The following GRM7 variants were observed in gnomAD, a reference collection of about 807,000 sequenced individuals.
The protein encoded by GRM7 is glutamate metabotropic receptor 7.
GRM7 carries 35 observed loss-of-function variants against 84.5 expected under a neutral mutation model. The observed-to-expected ratio is 0.41, with a 90% CI of 0.32 to 0.55. The LOEUF (loss-of-function observed/expected upper bound fraction) is 0.55. Among genes scored for constraint, GRM7 ranks in the 20% least tolerant of loss-of-function variants. GRM7 has a pLI of 0.19. For missense variants in GRM7, 1,003 were observed against 1,194.6 expected, an observed-to-expected ratio of 0.84 and a Z score of 2.36; for synonymous variants, 487 against 455.1, an observed-to-expected ratio of 1.07 and a Z score of -0.89.
At chr3:7,033,902 A>G (rs771009832) in intron 1 of GRM7, among the ~76,000 whole-genome samples, 3 of 152,150 alleles carry the variant, frequency 2.0e-5, no homozygotes, top group Non-Finnish European at 2.9e-5. Flanking sequence ...AATTTATTAT[A>G]TTTCTGGGAT....
chr3:6,990,239 C>T (rs1268998517), intron 1 of GRM7, among the ~76,000 whole-genome samples: 1 of 152,116 alleles, frequency 6.6e-6, no homozygotes, highest in African/African-American at 2.4e-5. Flanking sequence ...TGTTGGTCCC[C>T]CAGCCTTGTA....
At chr3:7,204,853 G>A (rs533971148) in intron 2 of GRM7, among the ~76,000 whole-genome samples, 3 of 152,306 alleles carry the variant, frequency 2.0e-5, no homozygotes, top group Admixed American at 6.5e-5. Context: ...AGAGAAAAAC[G>A]ATGTGAAATT....
At chr3:7,675,262 C>T (rs1409904471) in intron 8 of GRM7, among the ~76,000 whole-genome samples, 2 of 152,134 alleles carry the variant, frequency 1.3e-5, no homozygotes, top group Admixed American at 6.6e-5. Context: ...TTGAACAGTA[C>T]TGAGAATATT....
At chr3:7,266,251 T>C (rs1698634218) in intron 2 of GRM7, among the ~76,000 whole-genome samples, 1 of 152,218 alleles carries the variant, frequency 6.6e-6, no homozygotes, top group Non-Finnish European at 1.5e-5. Flanking sequence ...AAAACCCACT[T>C]TTTATGGCTA....
chr3:7,356,011 T>A (rs1048520160), intron 4 of GRM7, among the ~76,000 whole-genome samples: 1 of 152,076 alleles, frequency 6.6e-6, no homozygotes, highest in African/African-American at 2.4e-5. Context: ...CCTAAGGATG[T>A]TGGTGAAGGG....
At chr3:7,685,005 C>T (rs1448633794) in intron 9 of GRM7, among the ~76,000 whole-genome samples, 1 of 152,044 alleles carries the variant, frequency 6.6e-6, no homozygotes, top group African/African-American at 2.4e-5. Context: ...TTTCTCCCAC[C>T]TGCATCCTGA....
At chr3:7,053,615 A>C (rs998892503) in intron 1 of GRM7, among the ~76,000 whole-genome samples, 1 of 151,606 alleles carries the variant, frequency 6.6e-6, no homozygotes, top group Non-Finnish European at 1.5e-5. Context: ...TTTCAGCATC[A>C]TTTGTTAAAA....
rs991977273 is a variant in GRM7, at chr3:7,348,320, C to T, written c.1033+41668C>T. 7.9e-5 allele frequency among the ~76,000 whole-genome samples: 12 copies of T among 152,238 alleles called. No individual in the cohort carries two copies. In the South Asian group the frequency reaches 1.7e-3, roughly 21 times the overall value. ...TTGCCTTATTGGCATGCCCCAACAG[C>T]TCCAGCATCCTAATTTCCATAGTCA... On this transcript the variant is annotated intron_variant, in intron 4 of 9. Transcript: ENST00000357716.
rs758808639 is a variant in GRM7, at chr3:7,578,391, C to T, written c.1516-31C>T. Reference sequence around the variant, plus strand: ...TTTTCTATTCTCTTGAAGAATCTGCCTGATTCACCTTCTTATTTCTTATGT... The same window carrying T: ...TTTTCTATTCTCTTGAAGAATCTGCTTGATTCACCTTCTTATTTCTTATGT... On this transcript the variant is annotated intron_variant, in intron 7 of 9. Coordinates refer to ENST00000357716, the MANE Select transcript of GRM7 (RefSeq NM_000844.4). The T allele has an allele frequency of 5.6e-6, 8 of 1,431,902 alleles. No individual in the cohort carries two copies. The Admixed American group carries it at 1.5e-4, about 27-fold the overall frequency. The allele number at this position is 1,431,902 out of a possible 1,614,324, so 88.7% of individuals were successfully genotyped here.
chr3:6,890,465 A>G (rs1207602676), intron 1 of GRM7, among the ~76,000 whole-genome samples: 1 of 151,992 alleles, frequency 6.6e-6, no homozygotes, highest in South Asian at 2.1e-4. Context: ...GATCATCTTT[A>G]TTTCTGTCTT....
rs5846535 is a variant in GRM7, at chr3:7,713,124, G to GTTTTTT, written c.2699-27210_2699-27205dup. 1.2e-3 allele frequency among the ~76,000 whole-genome samples: 118 copies of GTTTTTT among 97,124 alleles called. 1 individual carries two copies. Among genetic ancestry groups the GTTTTTT allele is most frequent in the Non-Finnish European group, 1.8e-3 (80 of 45,288 alleles). 63.7% of individuals were successfully genotyped at this position (97,124 alleles called of 152,430 possible). A position where few individuals can be genotyped will look rare whatever the true frequency, so the allele number is the denominator to read the frequency against. On this transcript the variant is annotated intron_variant, in intron 9 of 9. Coordinates refer to ENST00000357716, the MANE Select transcript of GRM7 (RefSeq NM_000844.4). ...ATAGAGAGGATTCGAATTTTGTTTTGTTTTTTTTTTTTTTTTTTTTTTTTT... is the reference window on the plus strand; with the variant it reads ...ATAGAGAGGATTCGAATTTTGTTTTGTTTTTTTTTTTTTTTTTTTTTTTTTTTTTTT...
At chr3:7,460,099 TAAAAAAAA>T (rs71066013) in intron 6 of GRM7, among the ~76,000 whole-genome samples, 3 of 49,550 alleles carry the variant, frequency 6.1e-5, no homozygotes, top group African/African-American at 9.3e-5. Flanking sequence ...CTTAAAATAG[TAAAAAAAA>T]AAAAAAAAAA....
At chr3:7,293,440 C>T (rs949601898) in intron 2 of GRM7, among the ~76,000 whole-genome samples, 1 of 152,126 alleles carries the variant, frequency 6.6e-6, no homozygotes, top group Non-Finnish European at 1.5e-5. Flanking sequence ...CTCTCTCAAG[C>T]CTTTGACAGC....
intron 1 of GRM7, among the ~76,000 whole-genome samples, chr3:7,016,757 C>T (rs567072861): frequency 5.3e-5 from 8 of 152,136 alleles, no homozygotes; most frequent in Middle Eastern, 3.4e-3. Flanking sequence ...CAATATGTGA[C>T]GTATTCATTT....
chr3:7,192,069 A>T (rs1006333465), intron 2 of GRM7, among the ~76,000 whole-genome samples: 1 of 152,048 alleles, frequency 6.6e-6, no homozygotes, highest in Non-Finnish European at 1.5e-5. Flanking sequence ...GACTGGCTGA[A>T]GTTTAAGAAT....
chr3:7,178,097 G>A (rs1299071364), intron 2 of GRM7, among the ~76,000 whole-genome samples: 2 of 152,056 alleles, frequency 1.3e-5, no homozygotes, highest in African/African-American at 4.8e-5. Flanking sequence ...ACATCTATTG[G>A]CCAAGGTGAA....
intron 9 of GRM7, among the ~76,000 whole-genome samples, chr3:7,733,051 G>C (rs947467478): frequency 6.6e-6 from 1 of 152,114 alleles, no homozygotes; most frequent in Non-Finnish European, 1.5e-5. Context: ...GATGACCAGA[G>C]GTCACTTTCA....
intron 2 of GRM7, among the ~76,000 whole-genome samples, chr3:7,293,703 A>C (rs1699717573): frequency 6.6e-6 from 1 of 152,212 alleles, no homozygotes; most frequent in African/African-American, 2.4e-5. Context: ...CTGATATTCA[A>C]ATACCAGGTA....
intron 4 of GRM7, among the ~76,000 whole-genome samples, chr3:7,401,542 C>G (rs183569280): frequency 6.6e-6 from 1 of 152,206 alleles, no homozygotes; most frequent in Admixed American, 6.5e-5. Context: ...CTGAACCAAT[C>G]TGGCGGCAGA....
Sources: gnomAD v4.1 joint callset for allele counts (sites outside exome capture counted in the v4.1 genomes callset) on GRCh38, gnomAD v4.1.1 for gene constraint, MANE v1.5 for transcripts, NCBI Gene and HGNC (gene_info 2026-07-23, HGNC 2026-07-21) for gene names.